The following CAMK2G variants were observed in gnomAD, a reference collection of about 807,000 sequenced individuals.
The protein encoded by CAMK2G is calcium/calmodulin-dependent protein kinase type II subunit gamma.
CAMK2G carries 23 observed loss-of-function variants against 88.7 expected under a neutral mutation model. The ratio of observed to expected loss-of-function variants is 0.26; its 90% CI spans 0.19 to 0.37. The LOEUF (loss-of-function observed/expected upper bound fraction) is 0.37, where lower values mean the gene tolerates loss of function less well. CAMK2G is among the 10% of genes least tolerant of loss of function. The pLI is 1.00. For synonymous variants in CAMK2G, 263 were observed against 294.8 expected (o/e 0.89, Z 1.11); for missense variants, 476 against 780.8 (o/e 0.61, Z 4.65).
rs1167235148 is a variant in CAMK2G, at chr10:73,812,633, C to T, written c.*1885G>A. ...TCTATGTTGTCATGCAAAAATTCTG[C>T]ATCAAATGCCTTCCGTTTCTTGTTT... On this transcript the variant is annotated 3_prime_UTR_variant, in exon 23 of 23. Transcript: ENST00000423381. The T allele has an allele frequency of 6.6e-6, 1 of 152,670 alleles. No homozygotes were observed. Among genetic ancestry groups the T allele is most frequent in the African/African-American group, 2.4e-5 (1 of 41,456 alleles). The allele number at this position is 152,670 out of a possible 1,614,324, so 9.5% of individuals were successfully genotyped here. A position where few individuals can be genotyped will look rare whatever the true frequency, so the allele number is the denominator to read the frequency against.
At chr10:73,851,443 A>G (rs532276184) in intron 5 of CAMK2G, among the ~76,000 whole-genome samples, 87 of 152,248 alleles carry the variant, frequency 5.7e-4, no homozygotes, top group Non-Finnish European at 1.0e-3. Flanking sequence ...AAGGCTGGTC[A>G]TGGTGGTCTA....
intron 10 of CAMK2G, among the ~76,000 whole-genome samples, chr10:73,843,332 CT>C (rs779320772): frequency 1.6e-4 from 25 of 152,294 alleles, no homozygotes; most frequent in Admixed American, 2.0e-4. Flanking sequence ...TCCCAGAGTC[CT>C]GGGATAACAG....
chr10:73,873,384 A>T, intron 1 of CAMK2G: 1 of 1,274,496 alleles, frequency 7.8e-7, no homozygotes, highest in Non-Finnish European at 1.0e-6. Context: ...TGCTGAAAAC[A>T]CACACCTGCT....
chr10:73,866,482 T>C (rs2095599300), intron 2 of CAMK2G, among the ~76,000 whole-genome samples: 2 of 151,610 alleles, frequency 1.3e-5, no homozygotes, highest in African/African-American at 4.8e-5. Flanking sequence ...AAAACACAAA[T>C]GCCAGCACTA....
Position 73,848,008 on chromosome 10 carries a change from T to C in CAMK2G, c.676A>G (p.Ile226Val). 1 of 1,611,016 alleles carries C rather than the reference T, an allele frequency of 6.2e-7. No homozygotes were observed. Among genetic ancestry groups the C allele is most frequent in the East Asian group, 2.2e-5 (1 of 44,868 alleles). The change falls in exon 9 of 23, where the codon ATC becomes GTC. Residue 226 changes from isoleucine (I) to valine (V), a missense_variant. By Grantham distance (29) the Ile-to-Val change is conservative. Around this residue, in one of 3 missense-constraint regions of CAMK2G, gnomAD observed 164 missense variants for 385.6 expected, o/e 0.43. Coordinates refer to ENST00000423381, the MANE Select transcript of CAMK2G (RefSeq NM_001367534.1). This position sits in a 1 kb window ranked among gnomAD's most constrained non-coding sequence, Gnocchi z 4.5. ...DEDQHKLYQQ[I>V]KAGAYDFPSP... ...CTTACATCATAGGCTCCAGCCTTGA[T>C]CTGCTGATACAGCTTGTGCTGATCC...
intron 1 of CAMK2G, among the ~76,000 whole-genome samples, 163 bp downstream of exon 1, chr10:73,874,234 G>A (rs2095993227): frequency 1.4e-5 from 2 of 146,374 alleles, no homozygotes; most frequent in Non-Finnish European, 3.0e-5. Flanking sequence ...ATGCGGGGCA[G>A]TGCGCGGGGG....
chr10:73,825,137 G>A, intron 16 of CAMK2G, 142 bp downstream of exon 16: 2 of 700,058 alleles, frequency 2.9e-6, no homozygotes, highest in Non-Finnish European at 5.2e-6. Context: ...GGGGCATACA[G>A]GGCGGCACAC....
chr10:73,851,763 G>T (rs1258693272), intron 5 of CAMK2G, among the ~76,000 whole-genome samples: 1 of 140,210 alleles, frequency 7.1e-6, no homozygotes, highest in Non-Finnish European at 1.6e-5. Context: ...GGGGGGGGAG[G>T]GGGACATAGT....
intron 5 of CAMK2G, among the ~76,000 whole-genome samples, chr10:73,851,753 G>T (rs868422578): frequency 6.9e-6 from 1 of 144,152 alleles, no homozygotes; most frequent in African/African-American, 2.8e-5. Context: ...TTTTTTGTGG[G>T]GGGGGGGAGG....
At chr10:73,871,795 G>C (rs973881543) in intron 2 of CAMK2G, among the ~76,000 whole-genome samples, 1 of 152,104 alleles carries the variant, frequency 6.6e-6, no homozygotes, top group African/African-American at 2.4e-5. Context: ...CCTACTAGAG[G>C]GATGGAGAGA....
chr10:73,854,558 T>G (rs1330895164), intron 3 of CAMK2G, among the ~76,000 whole-genome samples: 2 of 152,158 alleles, frequency 1.3e-5, no homozygotes, highest in African/African-American at 4.8e-5. Flanking sequence ...GTGCACCTCA[T>G]GGAGCACTTC....
At chr10:73,847,880 A>C in intron 9 of CAMK2G, 108 bp downstream of exon 9, 1 of 620,002 alleles carries the variant, frequency 1.6e-6, no homozygotes, top group Non-Finnish European at 2.7e-6. Context: ...GTCCCCTGAC[A>C]CCCCCGTATC....
intron 14 of CAMK2G, among the ~76,000 whole-genome samples, chr10:73,833,126 A>G (rs1224790750): frequency 1.3e-5 from 2 of 148,816 alleles, no homozygotes; most frequent in African/African-American, 5.0e-5. Context: ...ACACTCAGCT[A>G]ATTTTTTTTT....
chr10:73,842,297 G>C lies in CAMK2G; in HGVS notation c.904-86C>G, dbSNP rs990834019. 1 of 1,262,620 alleles carries C rather than the reference G, an allele frequency of 7.9e-7. No homozygotes were observed. 78.2% of individuals were successfully genotyped at this position (1,262,620 alleles called of 1,614,324 possible). A position where few individuals can be genotyped will look rare whatever the true frequency, so the allele number is the denominator to read the frequency against. Reference sequence around the variant, plus strand: ...CAGGCAAAGGCAGGTCCTGGCTAGAGCCTGAAGACATCAGGCCTCTGGGCC... The same window carrying C: ...CAGGCAAAGGCAGGTCCTGGCTAGACCCTGAAGACATCAGGCCTCTGGGCC... On this transcript the variant is annotated intron_variant, in intron 11 of 22. Transcript: ENST00000423381. The surrounding 1 kb of genome is among the most constrained non-coding windows in gnomAD (Gnocchi z 4.6).
chr10:73,843,081 T>C lies in CAMK2G; in HGVS notation c.820-540A>G, dbSNP rs557127665. Among the ~76,000 whole-genome samples the C allele has an allele frequency of 4.9e-3, 753 of 152,220 alleles. 6 individuals are homozygous for C. Among genetic ancestry groups the C allele is most frequent in the African/African-American group, 0.016 (674 of 41,538 alleles). On this transcript the variant is annotated intron_variant, in intron 10 of 22. Coordinates refer to ENST00000423381, the MANE Select transcript of CAMK2G (RefSeq NM_001367534.1). Reference sequence around the variant, plus strand: ...TTTCATCATTCTGGATGTAATTTTTTTTTTTTTTTGCAATGGAGTCTCGCT... The same window carrying C: ...TTTCATCATTCTGGATGTAATTTTTCTTTTTTTTTGCAATGGAGTCTCGCT...
intron 1 of CAMK2G, among the ~76,000 whole-genome samples, chr10:73,873,839 G>C (rs1219003980): frequency 7.9e-6 from 1 of 127,282 alleles, no homozygotes; most frequent in Admixed American, 7.6e-5. Context: ...GGATGCTGAG[G>C]CTGCGGCGCG....
intron 19 of CAMK2G, 37 bp downstream of exon 19, chr10:73,819,495 G>A (rs746164461): frequency 7.0e-7 from 1 of 1,428,492 alleles, no homozygotes; most frequent in African/African-American, 1.4e-5. Flanking sequence ...GACGAGCCAG[G>A]GAGACGGAAG....
In CAMK2G at chr10:73,842,138, A is replaced by G. The variant is rs2093842144; in HGVS notation, c.946+31T>C. 1 of 1,590,068 alleles carries G rather than the reference A, an allele frequency of 6.3e-7. No individual in the cohort carries two copies. The highest frequency in any genetic ancestry group is 8.6e-7 in the Non-Finnish European group (1 of 1,157,974). On this transcript the variant is annotated intron_variant, in intron 12 of 22. Transcript: ENST00000423381. The surrounding 1 kb of genome is among the most constrained non-coding windows in gnomAD (Gnocchi z 4.6). ...CCATTCCTGATCCACTCACCTCGGC[A>G]TAATCAAAGTACACAGCTGGGAAAA...
rs1409550973 is a variant in CAMK2G, at chr10:73,839,611, TAC to T, written c.947-12_947-11del. The T allele has an allele frequency of 2.4e-6, 3 of 1,231,042 alleles. No homozygotes were observed. Among genetic ancestry groups the T allele is most frequent in the Admixed American group, 4.2e-5 (1 of 23,678 alleles). The allele number at this position is 1,231,042 out of a possible 1,614,324, so 76.3% of individuals were successfully genotyped here. Reference sequence around the variant, plus strand: ...GAGCTCTGCCTGCCAACTGAGGGGATACAGTCTCTCAGTGCACAGAGCCCCGC... The same window carrying T: ...GAGCTCTGCCTGCCAACTGAGGGGATAGTCTCTCAGTGCACAGAGCCCCGC... On this transcript the variant is annotated splice_polypyrimidine_tract_variant and intron_variant, in intron 12 of 22. Coordinates refer to ENST00000423381, the MANE Select transcript of CAMK2G (RefSeq NM_001367534.1). The surrounding 1 kb of genome is among the most constrained non-coding windows in gnomAD (Gnocchi z 4.2).
Sources: allele counts gnomAD v4.1 joint callset (sites outside exome capture counted in the v4.1 genomes callset), GRCh38; gene constraint gnomAD v4.1.1; regional missense constraint gnomAD v4.1.1; non-coding constraint Gnocchi (gnomAD v3.1); transcripts MANE v1.5; gene names NCBI Gene and HGNC (gene_info 2026-07-23, HGNC 2026-07-21).